The following INPP4B variants were observed in gnomAD, a reference collection of about 807,000 sequenced individuals.
The protein encoded by INPP4B is inositol polyphosphate-4-phosphatase type II B.
Under a neutral mutation model 122.5 loss-of-function variants are expected in INPP4B, and 55 were observed. That is an observed-to-expected ratio of 0.45 (90% confidence interval 0.36 to 0.56). INPP4B has a LOEUF of 0.56. Among genes scored for constraint, INPP4B ranks in the 20% least tolerant of loss-of-function variants. The pLI is 0.00. For synonymous variants in INPP4B, 403 were observed against 388.7 expected (o/e 1.04, Z -0.43); for missense variants, 1,000 against 1,097.7 (o/e 0.91, Z 1.26).
At chr4:142,785,484 C>G (rs1775626362) in intron 1 of INPP4B, among the ~76,000 whole-genome samples, 1 of 151,736 alleles carries the variant, frequency 6.6e-6, no homozygotes, top group Non-Finnish European at 1.5e-5. Flanking sequence ...GATGAACACT[C>G]TAAGAAAGAA....
chr4:142,206,300 C>T (rs1277352736), intron 14 of INPP4B, among the ~76,000 whole-genome samples: 2 of 151,386 alleles, frequency 1.3e-5, no homozygotes, highest in African/African-American at 4.9e-5. Flanking sequence ...TTGGGAGACA[C>T]ATTCAGGCCA....
intron 7 of INPP4B, among the ~76,000 whole-genome samples, chr4:142,388,390 T>A (rs1004644534): frequency 6.6e-6 from 1 of 152,182 alleles, no homozygotes; most frequent in Non-Finnish European, 1.5e-5. Context: ...AAGGGTTTTT[T>A]TTTTTCCTTC....
intron 2 of INPP4B, among the ~76,000 whole-genome samples, chr4:142,630,351 TTATC>T (rs1580556938): frequency 6.6e-6 from 1 of 152,150 alleles, no homozygotes; most frequent in East Asian, 1.9e-4. Flanking sequence ...TGTTTTGTGT[TTATC>T]TTTTATTTTT....
intron 7 of INPP4B, among the ~76,000 whole-genome samples, chr4:142,387,883 G>A (rs960255003): frequency 6.6e-6 from 1 of 152,164 alleles, no homozygotes; most frequent in Non-Finnish European, 1.5e-5. Context: ...AAACTGGTCA[G>A]TCATGTCCTT....
At chr4:142,789,068 T>C (rs1246302573) in intron 1 of INPP4B, among the ~76,000 whole-genome samples, 1 of 152,134 alleles carries the variant, frequency 6.6e-6, no homozygotes, top group African/African-American at 2.4e-5. Flanking sequence ...AAAATCAGGA[T>C]ACAAGGGACA....
chr4:142,526,023 G>A (rs139352329), intron 2 of INPP4B, among the ~76,000 whole-genome samples: 21 of 152,138 alleles, frequency 1.4e-4, no homozygotes, highest in African/African-American at 2.6e-4. Flanking sequence ...TGTCTGGCAC[G>A]ATTTCATGTA....
At chr4:142,456,674 A>T (rs899389060) in intron 3 of INPP4B, among the ~76,000 whole-genome samples, 1 of 152,136 alleles carries the variant, frequency 6.6e-6, no homozygotes, top group African/African-American at 2.4e-5. Flanking sequence ...ATCTATAAAC[A>T]TTGATGAAAG....
At chr4:142,314,520 A>C (rs1766752529) in intron 8 of INPP4B, among the ~76,000 whole-genome samples, 192 bp downstream of exon 8, 1 of 152,074 alleles carries the variant, frequency 6.6e-6, no homozygotes, top group African/African-American at 2.4e-5. Context: ...CTTGAGGATG[A>C]TTTTCAGGAA....
chr4:142,418,111 T>C (rs976479789), intron 5 of INPP4B, among the ~76,000 whole-genome samples: 6 of 152,094 alleles, frequency 3.9e-5, no homozygotes, highest in African/African-American at 1.4e-4. Flanking sequence ...CTCCAGCCTA[T>C]AAGCTGATTC....
chr4:142,282,908 G>C (rs997304649), intron 9 of INPP4B, among the ~76,000 whole-genome samples: 11 of 152,038 alleles, frequency 7.2e-5, no homozygotes, highest in African/African-American at 2.7e-4. Flanking sequence ...CACAGCAATG[G>C]GGAGTGAGAT....
intron 7 of INPP4B, among the ~76,000 whole-genome samples, chr4:142,366,780 T>A (rs1476410893): frequency 6.6e-6 from 1 of 152,132 alleles, no homozygotes; most frequent in Admixed American, 6.6e-5. Flanking sequence ...TTTGTCAGTA[T>A]CTCTGTCAGC....
At chr4:142,629,553 G>A (rs997806772) in intron 2 of INPP4B, among the ~76,000 whole-genome samples, 2 of 151,934 alleles carry the variant, frequency 1.3e-5, no homozygotes, top group South Asian at 2.1e-4. Flanking sequence ...AACACACTGA[G>A]GTGTTTTGTT....
chr4:142,755,900 C>A (rs1770440096), intron 1 of INPP4B, among the ~76,000 whole-genome samples: 1 of 152,042 alleles, frequency 6.6e-6, no homozygotes, highest in African/African-American at 2.4e-5. Flanking sequence ...TTGTTCCCCA[C>A]AAACACCTTT....
chr4:142,221,449 C>T (rs780099502), intron 12 of INPP4B, among the ~76,000 whole-genome samples: 75 of 150,000 alleles, frequency 5.0e-4, no homozygotes, highest in Middle Eastern at 6.9e-3. Context: ...CACTAGAAAC[C>T]TTAGCAGAGA....
chr4:142,613,996 G>A (rs1306580564), intron 2 of INPP4B, among the ~76,000 whole-genome samples: 1 of 152,206 alleles, frequency 6.6e-6, no homozygotes, highest in African/African-American at 2.4e-5. Context: ...ACACAGTGGT[G>A]ATGGTTATAG....
intron 10 of INPP4B, among the ~76,000 whole-genome samples, chr4:142,268,885 C>T (rs1443243816): frequency 6.6e-6 from 1 of 151,974 alleles, no homozygotes; most frequent in African/African-American, 2.4e-5. Flanking sequence ...TTGTTTTTTT[C>T]CCCCGACGAA....
At chr4:142,254,911 C>T (rs551083730) in intron 11 of INPP4B, among the ~76,000 whole-genome samples, 5 of 151,866 alleles carry the variant, frequency 3.3e-5, no homozygotes, top group East Asian at 1.9e-4. Context: ...GTCAGATTCA[C>T]CAAAGTGGAA....
At chr4:142,760,453 C>A (rs945117852) in intron 1 of INPP4B, among the ~76,000 whole-genome samples, 3 of 152,048 alleles carry the variant, frequency 2.0e-5, no homozygotes, top group Admixed American at 2.0e-4. Flanking sequence ...ACATAAATGA[C>A]CAGCTGTATA....
intron 1 of INPP4B, among the ~76,000 whole-genome samples, chr4:142,727,066 A>G (rs4690726): frequency 0.67 from 102,503 of 152,014 alleles, 34,779 homozygotes; most frequent in East Asian, 0.83. Context: ...AAATGATTAA[A>G]TCATATCATA....
Sources: allele counts gnomAD v4.1 joint callset (sites outside exome capture counted in the v4.1 genomes callset), GRCh38; gene constraint gnomAD v4.1.1; transcripts MANE v1.5; gene names NCBI Gene and HGNC (gene_info 2026-07-23, HGNC 2026-07-21).